Variants in SMAD3 observed in about 807,000 individuals in gnomAD.
SMAD3 encodes the protein SMAD family member 3, also known as MAD homolog 3.
SMAD3 carries 12 observed loss-of-function variants against 51.8 expected under a neutral mutation model. The observed-to-expected ratio is 0.23, with a 90% CI of 0.15 to 0.38. The LOEUF is 0.38. SMAD3 is among the 10% of genes least tolerant of loss of function. The pLI is 1.00. For missense variants in SMAD3, 294 were observed against 565.6 expected, an observed-to-expected ratio of 0.52 and a Z score of 4.87; for synonymous variants, 238 against 227.7, an observed-to-expected ratio of 1.05 and a Z score of -0.41.
chr15:67,153,211 G>A (rs991169574), intron 1 of SMAD3, among the ~76,000 whole-genome samples: 2 of 152,138 alleles, frequency 1.3e-5, no homozygotes, highest in South Asian at 4.2e-4. Context: ...CTTCTGTTTG[G>A]CCAGGTGCAG....
intron 1 of SMAD3, among the ~76,000 whole-genome samples, chr15:67,069,254 G>A (rs940602838): frequency 1.3e-5 from 2 of 152,132 alleles, no homozygotes; most frequent in Non-Finnish European, 2.9e-5. Flanking sequence ...CCAAGGAAGT[G>A]GTAAGAGCTT....
intron 1 of SMAD3, among the ~76,000 whole-genome samples, chr15:67,079,992 T>C (rs1226850247): frequency 2.6e-5 from 4 of 152,222 alleles, no homozygotes; most frequent in African/African-American, 9.7e-5. Flanking sequence ...CTACATAATT[T>C]ATCAAACAAA....
At chr15:67,185,510 G>A (rs181898086) in intron 7 of SMAD3, among the ~76,000 whole-genome samples, 69 of 152,276 alleles carry the variant, frequency 4.5e-4, no homozygotes, top group African/African-American at 1.6e-3. Flanking sequence ...TCTGGCTGGA[G>A]GAGGGTCATG....
In SMAD3 at chr15:67,190,427, C is replaced by T. The variant is rs772373466; in HGVS notation, c.1169C>T (p.Thr390Ile). ...ATTTCTTACAGGAGACAGACTGTGA[C>T]CAGTACCCCCTGCTGGATTGAGCTG... The part of the protein sequence containing the change: ...WGAEYRRQTV[T>I]STPCWIELHL... Residue 390 changes from threonine (T) to isoleucine (I), a missense_variant, in exon 9 of 9, where the codon ACC becomes ATC. Coordinates refer to ENST00000327367, the MANE Select transcript of SMAD3 (RefSeq NM_005902.4). The T allele has an allele frequency of 1.2e-6, 2 of 1,613,938 alleles. No homozygotes were observed. The highest frequency in any genetic ancestry group is 1.7e-6 in the Non-Finnish European group (2 of 1,179,930).
chr15:67,120,588 G>C (rs1961236371), intron 1 of SMAD3, among the ~76,000 whole-genome samples: 1 of 152,166 alleles, frequency 6.6e-6, no homozygotes, highest in Non-Finnish European at 1.5e-5. Flanking sequence ...CTAGCTGCGA[G>C]GAGGGCAGAG....
At chr15:67,180,549 A>T (rs559087196) in intron 5 of SMAD3, among the ~76,000 whole-genome samples, 1 of 148,642 alleles carries the variant, frequency 6.7e-6, no homozygotes, top group South Asian at 2.2e-4. Context: ...CGGCATCTAG[A>T]TAAGTGTGGA....
At chr15:67,179,729 G>C (rs1315585648) in intron 5 of SMAD3, among the ~76,000 whole-genome samples, 1 of 152,188 alleles carries the variant, frequency 6.6e-6, no homozygotes, top group Non-Finnish European at 1.5e-5. Flanking sequence ...CAGAAGGTCT[G>C]ATGAGCAGGG....
At chr15:67,079,453 C>T (rs1267238539) in intron 1 of SMAD3, among the ~76,000 whole-genome samples, 3 of 152,140 alleles carry the variant, frequency 2.0e-5, no homozygotes, top group Non-Finnish European at 4.4e-5. Flanking sequence ...CACATAGGCT[C>T]TGGTGCCTTG....
chr15:67,122,494 G>T (rs941495900), intron 1 of SMAD3, among the ~76,000 whole-genome samples: 2 of 152,078 alleles, frequency 1.3e-5, no homozygotes, highest in African/African-American at 4.8e-5. Flanking sequence ...TGGGTTTTTT[G>T]GCCATTTGTT....
At chr15:67,165,485 G>T in intron 3 of SMAD3, 101 bp downstream of exon 3, 2 of 1,400,692 alleles carry the variant, frequency 1.4e-6, no homozygotes, top group East Asian at 2.3e-5. Context: ...GCCGTCCCCC[G>T]CTCACCCCCT....
intron 5 of SMAD3, 96 bp from the exon 6 acceptor site, chr15:67,181,145 C>A: frequency 1.1e-6 from 1 of 916,342 alleles, no homozygotes; most frequent in Non-Finnish European, 1.7e-6. Context: ...CTCTGAAATG[C>A]GGGGAAATGG....
chr15:67,066,318 T>G lies in SMAD3; in HGVS notation c.164T>G (p.Ile55Ser). Residue 55 changes from isoleucine to serine, a missense_variant, in exon 1 of 9, where the codon ATC (isoleucine) becomes AGC (serine). Ile to Ser is a moderately radical substitution (Grantham distance 142). Transcript: ENST00000327367. ...CAGCTGGACGAGCTGGAGAAGGCCA[T>G]CACCACGCAGAACGTCAACACCAAG... ...TGQLDELEKAITTQNVNTKCI... is the reference protein window; with the variant it reads ...TGQLDELEKASTTQNVNTKCI... 6.2e-7 allele frequency: 1 copy of G among 1,613,242 alleles called. No individual in the cohort carries two copies. The highest frequency in any genetic ancestry group is 8.5e-7 in the Non-Finnish European group (1 of 1,179,754).
intron 1 of SMAD3, among the ~76,000 whole-genome samples, chr15:67,114,871 A>G (rs1486244535): frequency 2.0e-5 from 3 of 151,906 alleles, no homozygotes; most frequent in Non-Finnish European, 4.4e-5. Context: ...CTCCAAAAGC[A>G]CTCTCTGCAC....
intron 1 of SMAD3, among the ~76,000 whole-genome samples, chr15:67,101,196 G>T (rs769716844): frequency 1.3e-5 from 2 of 152,160 alleles, no homozygotes; most frequent in African/African-American, 2.4e-5. Context: ...CATACGTTTG[G>T]TGTTTGTTGG....
At position 67,155,390 on chromosome 15, in the gene SMAD3, T is replaced by C. The variant is rs148990804; in HGVS notation, c.207-9505T>C. Among the ~76,000 whole-genome samples, 272 of 152,346 alleles carry C rather than the reference T, an allele frequency of 1.8e-3. 1 individual carries two copies. The highest frequency in any genetic ancestry group is 6.3e-3 in the African/African-American group (260 of 41,574). ...GGCAGATGGTGTTTTCAGGGCTTTC[T>C]TATTTGTTCCTTTATTAAGCAGTTG... On this transcript the variant is annotated intron_variant, in intron 1 of 8. Transcript: ENST00000327367.
chr15:67,159,835 A>G (rs1197058133), intron 1 of SMAD3, among the ~76,000 whole-genome samples: 1 of 152,242 alleles, frequency 6.6e-6, no homozygotes, highest in Non-Finnish European at 1.5e-5. Flanking sequence ...AGATTCATTC[A>G]TAGCGTTGCA....
intron 1 of SMAD3, among the ~76,000 whole-genome samples, chr15:67,086,200 C>T (rs748837976): frequency 3.3e-5 from 5 of 152,040 alleles, no homozygotes; most frequent in Non-Finnish European, 7.4e-5. Flanking sequence ...TCCAGCATAC[C>T]TTAGTGTCAG....
chr15:67,141,378 T>A (rs1437056278), intron 1 of SMAD3, among the ~76,000 whole-genome samples: 1 of 152,198 alleles, frequency 6.6e-6, no homozygotes, highest in African/African-American at 2.4e-5. Flanking sequence ...TGCTTCTCCC[T>A]GAGATTATGG....
intron 1 of SMAD3, chr15:67,098,740 G>A: frequency 3.2e-6 from 2 of 624,276 alleles, no homozygotes; most frequent in Non-Finnish European, 2.9e-6. Flanking sequence ...GCTTGCTTTG[G>A]TTGTGGAGGC....
Sources: allele counts gnomAD v4.1 joint callset (sites outside exome capture counted in the v4.1 genomes callset), GRCh38; gene constraint gnomAD v4.1.1; transcripts MANE v1.5; gene names NCBI Gene and HGNC (gene_info 2026-07-23, HGNC 2026-07-21).